FARS2: variants seen among roughly 807,000 people sequenced by gnomAD.
FARS2 encodes the protein phenylalanyl-tRNA synthetase 2, mitochondrial, also known as phenylalanine--tRNA ligase, mitochondrial.
In FARS2, 40 loss-of-function variants were observed where a neutral mutation model predicts 46.4. The observed-to-expected ratio is 0.86, with a 90% CI of 0.67 to 1.12. The LOEUF is 1.12. FARS2 is among the 50% of genes most tolerant of loss of function. The pLI, the probability that FARS2 is intolerant of heterozygous loss-of-function variation, is 0.00. For missense variants in FARS2, 513 were observed against 567.9 expected (o/e 0.90, Z 0.98); for synonymous variants, 234 against 214.9 (o/e 1.09, Z -0.78).
intron 3 of FARS2, among the ~76,000 whole-genome samples, chr6:5,409,294 C>CA (rs1761794614): frequency 1.3e-5 from 2 of 151,938 alleles, no homozygotes; most frequent in South Asian, 4.2e-4. Flanking sequence ...ACTAAAAATA[C>CA]AAAAAAATTA....
chr6:5,441,136 G>A (rs1232618937), intron 4 of FARS2, among the ~76,000 whole-genome samples: 1 of 152,106 alleles, frequency 6.6e-6, no homozygotes, highest in Non-Finnish European at 1.5e-5. Flanking sequence ...TGGCCAGGCT[G>A]GTCTCGAACT....
Position 5,368,683 on chromosome 6 carries a change from C to A in FARS2, c.113C>A (p.Ala38Glu), listed in dbSNP as rs1758834263. 6 of 1,614,198 alleles carry A rather than the reference C, an allele frequency of 3.7e-6. No homozygotes were observed. Among genetic ancestry groups the A allele is most frequent in the Non-Finnish European group, 5.1e-6 (6 of 1,180,042 alleles). Residue 38 changes from alanine to glutamate, a missense_variant, in exon 2 of 7, where the codon GCA becomes GAA. Coordinates refer to ENST00000274680, the MANE Select transcript of FARS2 (RefSeq NM_006567.5). ...QHQAWGSRPP[A>E]AECATQRAPG... ...CAGGCCTGGGGATCGAGGCCTCCTG[C>A]AGCAGAGTGTGCCACCCAAAGAGCT...
intron 4 of FARS2, among the ~76,000 whole-genome samples, chr6:5,458,521 G>A (rs1234563357): frequency 6.6e-6 from 1 of 152,158 alleles, no homozygotes; most frequent in Non-Finnish European, 1.5e-5. Flanking sequence ...GCTAATCATA[G>A]TGAATTATTA....
intron 1 of FARS2, among the ~76,000 whole-genome samples, chr6:5,301,345 G>A (rs1021659019): frequency 2.6e-5 from 4 of 152,122 alleles, no homozygotes; most frequent in African/African-American, 9.7e-5. Context: ...CAGCTGCTTG[G>A]GAGCCTGAGG....
At chr6:5,558,655 G>A (rs1771810010) in intron 5 of FARS2, among the ~76,000 whole-genome samples, 1 of 152,072 alleles carries the variant, frequency 6.6e-6, no homozygotes, top group East Asian at 1.9e-4. Flanking sequence ...TCCTGCCTCA[G>A]CCTCCTGAGT....
At chr6:5,327,474 G>A (rs113620235) in intron 1 of FARS2, among the ~76,000 whole-genome samples, 155 of 152,188 alleles carry the variant, frequency 1.0e-3, no homozygotes, top group Middle Eastern at 3.4e-3. Flanking sequence ...AGGTTTTTCC[G>A]TGCCGTTCTT....
At chr6:5,352,212 C>T (rs568499323) in intron 1 of FARS2, among the ~76,000 whole-genome samples, 3 of 149,312 alleles carry the variant, frequency 2.0e-5, no homozygotes, top group African/African-American at 7.4e-5. Context: ...GACAATTCTT[C>T]TGATGTGGCC....
intron 4 of FARS2, among the ~76,000 whole-genome samples, chr6:5,454,511 A>AT (rs1300195856): frequency 6.6e-6 from 1 of 151,568 alleles, no homozygotes; most frequent in Non-Finnish European, 1.5e-5. Context: ...TGCCCGGCTA[A>AT]TTTTTTGTAT....
At chr6:5,423,968 C>G (rs1376107175) in intron 3 of FARS2, among the ~76,000 whole-genome samples, 3 of 152,146 alleles carry the variant, frequency 2.0e-5, no homozygotes, top group Admixed American at 6.5e-5. Context: ...CCTCCTCTTC[C>G]TTATGACTGC....
intron 3 of FARS2, among the ~76,000 whole-genome samples, chr6:5,425,328 G>C (rs181469657): frequency 1.3e-5 from 2 of 152,212 alleles, no homozygotes; most frequent in East Asian, 3.9e-4. Flanking sequence ...AAATACAAAC[G>C]GTATGGGAAA....
intron 2 of FARS2, among the ~76,000 whole-genome samples, chr6:5,381,370 A>AATACACACACACAC (rs368344271): frequency 1.5e-5 from 2 of 132,902 alleles, no homozygotes; most frequent in Non-Finnish European, 3.1e-5. Context: ...ACTCCCCAGA[A>AATACACACACACAC]ACACACACAC....
intron 1 of FARS2, among the ~76,000 whole-genome samples, chr6:5,301,802 T>TACACACACACAC (rs143654686): frequency 4.5e-4 from 59 of 132,428 alleles, no homozygotes; most frequent in East Asian, 2.2e-3. Flanking sequence ...CACACACACA[T>TACACACACACAC]ACACACACAC....
chr6:5,453,970 C>T (rs1274742658), intron 4 of FARS2, among the ~76,000 whole-genome samples: 1 of 151,954 alleles, frequency 6.6e-6, no homozygotes, highest in Non-Finnish European at 1.5e-5. Flanking sequence ...CTGGAGGAGC[C>T]GAGGGAGGTT....
chr6:5,710,394 G>A (rs1396645795), intron 6 of FARS2, among the ~76,000 whole-genome samples: 3 of 152,224 alleles, frequency 2.0e-5, no homozygotes, highest in Non-Finnish European at 4.4e-5. Context: ...CTCAGGCCAA[G>A]ATAGAGTCAC....
intron 1 of FARS2, among the ~76,000 whole-genome samples, chr6:5,331,811 G>T (rs1270543911): frequency 6.6e-6 from 1 of 152,140 alleles, no homozygotes; most frequent in Admixed American, 6.6e-5. Flanking sequence ...ATAGTCGCTG[G>T]TCTTGGAGAG....
chr6:5,526,756 A>G (rs951297911), intron 4 of FARS2, among the ~76,000 whole-genome samples: 1 of 152,136 alleles, frequency 6.6e-6, no homozygotes, highest in Non-Finnish European at 1.5e-5. Context: ...AACTGGGATT[A>G]CAGGTGCCCA....
chr6:5,335,148 G>A (rs2127583309), intron 1 of FARS2, among the ~76,000 whole-genome samples: 1 of 152,296 alleles, frequency 6.6e-6, no homozygotes, highest in South Asian at 2.1e-4. Context: ...CTCTAGAAAG[G>A]TGTTGTCTGA....
chr6:5,349,030 A>G (rs1178087837), intron 1 of FARS2, among the ~76,000 whole-genome samples: 2 of 152,196 alleles, frequency 1.3e-5, no homozygotes, highest in East Asian at 3.8e-4. Context: ...AAAGAAAACT[A>G]TGTCTATTTG....
chr6:5,760,911 C>T (rs370271153), intron 6 of FARS2, among the ~76,000 whole-genome samples: 1 of 152,242 alleles, frequency 6.6e-6, no homozygotes, highest in East Asian at 1.9e-4. Context: ...AAGCCAGCTT[C>T]CTACGGTGAT....
Sources: gnomAD v4.1 joint callset for allele counts (sites outside exome capture counted in the v4.1 genomes callset) on GRCh38, gnomAD v4.1.1 for gene constraint, MANE v1.5 for transcripts, NCBI Gene and HGNC (gene_info 2026-07-23, HGNC 2026-07-21) for gene names.